The following COL5A1 variants were observed in gnomAD, a reference collection of about 807,000 sequenced individuals.
The protein encoded by COL5A1 is collagen alpha-1(V) chain.
Under a neutral mutation model 263.7 loss-of-function variants are expected in COL5A1, and 16 were observed. The ratio of observed to expected loss-of-function variants is 0.06; its 90% confidence interval spans 0.04 to 0.09. COL5A1 has a LOEUF of 0.09. Among genes scored for constraint, COL5A1 ranks in the 10% least tolerant of loss-of-function variants. The pLI, the probability that COL5A1 is intolerant of heterozygous loss-of-function variation, is 1.00. For missense variants in COL5A1, 2,036 were observed against 2,540.5 expected (o/e 0.80, Z 4.27); for synonymous variants, 1,012 against 1,004.5 (o/e 1.01, Z -0.14).
At position 134,780,096 on chromosome 9, in the gene COL5A1, G is replaced by A. The variant is rs373383768; in HGVS notation, c.2386-6G>A. On this transcript the variant is annotated splice_polypyrimidine_tract_variant and splice_region_variant and intron_variant, in intron 27 of 65. Transcript: ENST00000371817. ...TTCACTCCTTTTTCTTTTCCCACCC[G>A]CACAGGGGGCCGATGGCATCCGTGG... is the stretch of plus-strand genomic sequence containing the variant. 49 of 1,613,284 alleles carry A rather than the reference G, an allele frequency of 3.0e-5. No individual in the cohort carries two copies. Among genetic ancestry groups the A allele is most frequent in the South Asian group, 2.3e-4 (21 of 91,086 alleles).
In COL5A1 at chr9:134,826,273, C is replaced by T. The variant is rs572155255; in HGVS notation, c.5067+369C>T. Among the ~76,000 whole-genome samples, 11 of 152,312 alleles carry T rather than the reference C, an allele frequency of 7.2e-5. No homozygotes were observed. The South Asian group carries it at 1.2e-3, about 17-fold the overall frequency. ...AAGGAATTGGGAGCAGGTACAATAA[C>T]GTGAGCCTGAGACATCTTCCGGAAG... is the stretch of plus-strand genomic sequence containing the variant. On this transcript the variant is annotated intron_variant, in intron 63 of 65. Coordinates refer to ENST00000371817, the MANE Select transcript of COL5A1 (RefSeq NM_000093.5).
intron 19 of COL5A1, among the ~76,000 whole-genome samples, chr9:134,762,571 C>A (rs1299075665): frequency 6.6e-6 from 1 of 152,178 alleles, no homozygotes; most frequent in Non-Finnish European, 1.5e-5. Context: ...CTCTGGGCCA[C>A]AGCACAGTGG....
intron 13 of COL5A1, among the ~76,000 whole-genome samples, chr9:134,751,636 C>T (rs1000999488): frequency 2.6e-4 from 30 of 116,680 alleles, no homozygotes; most frequent in Non-Finnish European, 3.7e-4. Context: ...TGATTGCCCA[C>T]GATAGGTGTA....
chr9:134,774,696 C>G (rs1329590573), intron 26 of COL5A1, among the ~76,000 whole-genome samples, 163 bp from the exon 27 acceptor site: 1 of 152,220 alleles, frequency 6.6e-6, no homozygotes, highest in Admixed American at 6.5e-5. Context: ...AGGCTGTGAA[C>G]ACCTGTGCGA....
intron 30 of COL5A1, 151 bp from the exon 31 acceptor site, chr9:134,785,844 C>A: frequency 1.4e-6 from 1 of 727,358 alleles, no homozygotes; most frequent in Non-Finnish European, 2.5e-6. Context: ...CTAGGGCAGG[C>A]AGGGCTTCTG....
intron 26 of COL5A1, 72 bp downstream of exon 26, chr9:134,772,906 T>A (rs1836911986): frequency 6.8e-7 from 1 of 1,464,384 alleles, no homozygotes; most frequent in Admixed American, 1.7e-5. Context: ...GGGCTCAGCC[T>A]CTGCTCAGGG....
intron 4 of COL5A1, among the ~76,000 whole-genome samples, chr9:134,723,994 G>A (rs567537570): frequency 1.3e-5 from 2 of 152,172 alleles, no homozygotes; most frequent in African/African-American, 2.4e-5. Flanking sequence ...GCTGAGAGCC[G>A]TTTCCTGTTG....
At chr9:134,712,054 T>TGGTCCCCTTCTTCCC (rs56202848) in intron 4 of COL5A1, among the ~76,000 whole-genome samples, 1 of 98,548 alleles carries the variant, frequency 1.0e-5, no homozygotes, top group Non-Finnish European at 1.9e-5. Context: ...CCCTTCTTCC[T>TGGTCCCCTTCTTCCC]TCCTCCCTCC....
intron 35 of COL5A1, among the ~76,000 whole-genome samples, 193 bp downstream of exon 35, chr9:134,796,611 C>G (rs190094436): frequency 6.6e-6 from 1 of 152,162 alleles, no homozygotes; most frequent in Non-Finnish European, 1.5e-5. Flanking sequence ...GGGCCTCGAC[C>G]GCAGCCCTGG....
intron 9 of COL5A1, among the ~76,000 whole-genome samples, chr9:134,737,984 CT>C (rs1243049318): frequency 5.3e-5 from 8 of 152,282 alleles, no homozygotes; most frequent in African/African-American, 1.9e-4. Context: ...GGTTGCAGCC[CT>C]GGGGCCTGAC....
chr9:134,733,147 G>A (rs555827455), intron 9 of COL5A1, among the ~76,000 whole-genome samples: 6 of 152,280 alleles, frequency 3.9e-5, no homozygotes, highest in East Asian at 1.9e-4. Flanking sequence ...CTGAGCTCAG[G>A]ATACACCTTG....
At chr9:134,672,527 G>A (rs1250021046) in intron 1 of COL5A1, among the ~76,000 whole-genome samples, 1 of 152,082 alleles carries the variant, frequency 6.6e-6, no homozygotes, top group South Asian at 2.1e-4. Flanking sequence ...CAATAAATTA[G>A]GAATAAAAGA....
At chr9:134,827,231 G>A (rs985093425) in intron 63 of COL5A1, among the ~76,000 whole-genome samples, 5 of 152,292 alleles carry the variant, frequency 3.3e-5, no homozygotes, top group African/African-American at 7.2e-5. Flanking sequence ...CCCAGGGACC[G>A]CCATCCCCTT....
At chr9:134,708,345 C>G (rs74793587) in intron 4 of COL5A1, 1 of 326,942 alleles carries the variant, frequency 3.1e-6, no homozygotes, top group Non-Finnish European at 6.0e-6. Flanking sequence ...GTGTGCCTGC[C>G]CCTCCCGAGT....
intron 36 of COL5A1, among the ~76,000 whole-genome samples, 169 bp from the exon 37 acceptor site, chr9:134,798,239 C>T (rs1323003908): frequency 6.6e-6 from 1 of 152,202 alleles, no homozygotes; most frequent in Non-Finnish European, 1.5e-5. Flanking sequence ...CCAAGGACAG[C>T]TTTAGATTTG....
intron 1 of COL5A1, 37 bp from the exon 2 acceptor site, chr9:134,690,875 C>T: frequency 6.2e-7 from 1 of 1,612,840 alleles, no homozygotes; most frequent in Non-Finnish European, 8.5e-7. Context: ...CTCCTTTCCT[C>T]TCCGTGGCTA....
chr9:134,738,952 C>G, intron 11 of COL5A1, 144 bp downstream of exon 11: 1 of 718,260 alleles, frequency 1.4e-6, no homozygotes, highest in South Asian at 1.6e-5. Context: ...CCAGGCACTC[C>G]TCACACCAGC....
intron 2 of COL5A1, among the ~76,000 whole-genome samples, chr9:134,693,308 G>C (rs1411776318): frequency 6.6e-6 from 1 of 152,216 alleles, no homozygotes; most frequent in Non-Finnish European, 1.5e-5. Flanking sequence ...GGGCAACGGA[G>C]TGAGTGAGAC....
At chr9:134,759,020 G>C (rs1457986556) in intron 18 of COL5A1, among the ~76,000 whole-genome samples, 1 of 152,118 alleles carries the variant, frequency 6.6e-6, no homozygotes, top group Non-Finnish European at 1.5e-5. Flanking sequence ...GGTGTGGTGG[G>C]GAAGGCTCGT....
Sources: allele counts gnomAD v4.1 joint callset (sites outside exome capture counted in the v4.1 genomes callset), GRCh38; gene constraint gnomAD v4.1.1; transcripts MANE v1.5; gene names NCBI Gene and HGNC (gene_info 2026-07-23, HGNC 2026-07-21).